ME1: variants seen among roughly 807,000 people sequenced by gnomAD.
ME1 encodes malic enzyme 1, also known as NADP-dependent malic enzyme.
A neutral mutation model predicts 66.4 loss-of-function variants in ME1; 74 were observed. That is an observed-to-expected ratio of 1.11 (90% confidence interval 0.92 to 1.35). The LOEUF is 1.35. ME1 is among the 40% of genes most tolerant of loss of function. The pLI, the probability that ME1 is intolerant of heterozygous loss-of-function variation, is 0.00. For missense variants in ME1, 750 were observed against 694.1 expected, an observed-to-expected ratio of 1.08 and a Z score of -0.90; for synonymous variants, 251 against 235.6, an observed-to-expected ratio of 1.07 and a Z score of -0.60.
At chr6:83,307,531 A>T (rs1767849346) in intron 6 of ME1, among the ~76,000 whole-genome samples, 1 of 152,182 alleles carries the variant, frequency 6.6e-6, no homozygotes, top group South Asian at 2.1e-4. Context: ...AAAGCAAAGT[A>T]ACTCATGCTG....
At chr6:83,241,897 C>T (rs1230170625) in intron 7 of ME1, among the ~76,000 whole-genome samples, 1 of 152,106 alleles carries the variant, frequency 6.6e-6, no homozygotes, top group African/African-American at 2.4e-5. Context: ...GCGTCTTACT[C>T]TGTCACCCAT....
chr6:83,366,088 TTCTGCTACA>T (rs1485820068), intron 3 of ME1, among the ~76,000 whole-genome samples: 1 of 152,218 alleles, frequency 6.6e-6, no homozygotes, highest in Non-Finnish European at 1.5e-5. Context: ...TTGTCTCAGC[TTCTGCTACA>T]TCAGATAATT....
chr6:83,325,948 C>CAAAAAA (rs199839173), intron 5 of ME1, among the ~76,000 whole-genome samples: 8 of 120,792 alleles, frequency 6.6e-5, no homozygotes, highest in Admixed American at 7.9e-5. Flanking sequence ...ACGAAGCAAA[C>CAAAAAA]AAAAAAAAAA....
chr6:83,415,801 T>C (rs2128552890), intron 1 of ME1, among the ~76,000 whole-genome samples: 1 of 152,284 alleles, frequency 6.6e-6, no homozygotes, highest in Non-Finnish European at 1.5e-5. Flanking sequence ...AAAATATATA[T>C]CTACATATCA....
intron 6 of ME1, among the ~76,000 whole-genome samples, chr6:83,297,587 T>C (rs1767622174): frequency 8.1e-6 from 1 of 123,582 alleles, no homozygotes; most frequent in South Asian, 2.3e-4. Context: ...ATCTTCTTTT[T>C]TTTTAAATAT....
chr6:83,225,806 C>A (rs1790187546), intron 11 of ME1, among the ~76,000 whole-genome samples: 1 of 94,350 alleles, frequency 1.1e-5, no homozygotes, highest in Non-Finnish European at 2.0e-5. Context: ...AGGCCTGTAA[C>A]ATTATATATA....
At chr6:83,239,426 C>T in intron 8 of ME1, 113 bp downstream of exon 8, 1 of 642,502 alleles carries the variant, frequency 1.6e-6, no homozygotes. Flanking sequence ...ATAAAGCCTA[C>T]AGTCATAATA....
At chr6:83,281,295 C>G (rs2128532960) in intron 6 of ME1, among the ~76,000 whole-genome samples, 1 of 152,198 alleles carries the variant, frequency 6.6e-6, no homozygotes, top group Admixed American at 6.5e-5. Flanking sequence ...AAAAATCTGC[C>G]TCTAATCTTA....
At chr6:83,330,656 C>G (rs946149051) in intron 5 of ME1, among the ~76,000 whole-genome samples, 3 of 152,096 alleles carry the variant, frequency 2.0e-5, no homozygotes, top group Admixed American at 1.3e-4. Context: ...CCATTTTGTT[C>G]TATACAATCA....
intron 1 of ME1, among the ~76,000 whole-genome samples, chr6:83,418,368 G>A (rs1436089987): frequency 6.6e-6 from 1 of 152,064 alleles, no homozygotes; most frequent in Non-Finnish European, 1.5e-5. Flanking sequence ...GACCCAGGAA[G>A]AGCCCACATT....
chr6:83,346,461 A>G, intron 4 of ME1, 127 bp from the exon 5 acceptor site: 3 of 527,038 alleles, frequency 5.7e-6, no homozygotes, highest in Non-Finnish European at 9.3e-6. Context: ...TTGAATATTT[A>G]TGAAAAAGAT....
intron 3 of ME1, among the ~76,000 whole-genome samples, chr6:83,364,060 A>C (rs1769053887): frequency 1.3e-5 from 2 of 152,094 alleles, no homozygotes. Flanking sequence ...CATAGTATTG[A>C]TCCTGGGTGT....
At chr6:83,387,575 T>C (rs774842976) in intron 3 of ME1, among the ~76,000 whole-genome samples, 1 of 152,228 alleles carries the variant, frequency 6.6e-6, no homozygotes, top group South Asian at 2.1e-4. Context: ...ATACTAGACA[T>C]ACTTCCTCAC....
At chr6:83,400,060 A>G (rs896607998) in intron 2 of ME1, among the ~76,000 whole-genome samples, 11 of 152,094 alleles carry the variant, frequency 7.2e-5, no homozygotes, top group African/African-American at 2.4e-5. Context: ...CTTCCAATCT[A>G]TCATATTCTC....
intron 3 of ME1, among the ~76,000 whole-genome samples, chr6:83,365,507 G>A (rs531512834): frequency 6.6e-6 from 1 of 152,298 alleles, no homozygotes; most frequent in Non-Finnish European, 1.5e-5. Context: ...CTTGACTGTT[G>A]CTGTTATCTC....
At chr6:83,422,175 A>G (rs73751504) in intron 1 of ME1, among the ~76,000 whole-genome samples, 10,220 of 152,252 alleles carry the variant, frequency 0.067, 651 homozygotes, top group African/African-American at 0.16. Context: ...ACAGCATACC[A>G]AAGGCTTTGA....
At chr6:83,229,552 C>A (rs143698157) in intron 9 of ME1, among the ~76,000 whole-genome samples, 1 of 152,094 alleles carries the variant, frequency 6.6e-6, no homozygotes, top group African/African-American at 2.4e-5. Flanking sequence ...TGATGACTTA[C>A]AAGTTGTTTT....
At chr6:83,327,323 T>C (rs1017062186) in intron 5 of ME1, among the ~76,000 whole-genome samples, 2 of 152,202 alleles carry the variant, frequency 1.3e-5, no homozygotes, top group South Asian at 4.1e-4. Flanking sequence ...CTCTGACCAT[T>C]GGTGAGCTGG....
At chr6:83,371,965 TG>T (rs2128547320) in intron 3 of ME1, among the ~76,000 whole-genome samples, 1 of 152,304 alleles carries the variant, frequency 6.6e-6, no homozygotes, top group African/African-American at 2.4e-5. Flanking sequence ...TATGATTCCA[TG>T]GCACCCTATA....
Sources: gnomAD v4.1 joint callset for allele counts (sites outside exome capture counted in the v4.1 genomes callset) on GRCh38, gnomAD v4.1.1 for gene constraint, MANE v1.5 for transcripts, NCBI Gene and HGNC (gene_info 2026-07-23, HGNC 2026-07-21) for gene names.